The following SLC2A9 variants were observed in gnomAD, a reference collection of about 807,000 sequenced individuals.
SLC2A9 encodes the protein solute carrier family 2, facilitated glucose transporter member 9.
SLC2A9 carries 39 observed loss-of-function variants against 50.6 expected under a neutral mutation model. The ratio of observed to expected loss-of-function variants is 0.77; its 90% CI spans 0.60 to 1.01. The LOEUF is 1.01. SLC2A9 is among the 50% of genes least tolerant of loss of function. SLC2A9 has a pLI of 0.00. For synonymous variants in SLC2A9, 324 were observed against 276.9 expected (o/e 1.17, Z -1.69); for missense variants, 686 against 677.6 (o/e 1.01, Z -0.14).
intron 10 of SLC2A9, among the ~76,000 whole-genome samples, chr4:9,873,290 T>A (rs1411230765): frequency 6.6e-6 from 1 of 152,222 alleles, no homozygotes; most frequent in African/African-American, 2.4e-5. Context: ...TAGTAGGCTC[T>A]CAGTGATTAT....
intron 10 of SLC2A9, among the ~76,000 whole-genome samples, chr4:9,878,246 A>T (rs935174144): frequency 6.6e-6 from 1 of 152,032 alleles, no homozygotes; most frequent in African/African-American, 2.4e-5. Context: ...GAGTAACAAG[A>T]GTGGCTTTTG....
chr4:9,942,240 T>C (rs995221617), intron 5 of SLC2A9, among the ~76,000 whole-genome samples, 195 bp from the exon 6 acceptor site: 2 of 152,152 alleles, frequency 1.3e-5, no homozygotes, highest in African/African-American at 4.8e-5. Flanking sequence ...CATGCATGAG[T>C]CCAGAGACTC....
At chr4:9,876,800 C>G (rs1306728791) in intron 10 of SLC2A9, among the ~76,000 whole-genome samples, 1 of 152,166 alleles carries the variant, frequency 6.6e-6, no homozygotes, top group Non-Finnish European at 1.5e-5. Flanking sequence ...TGTTTCTAGA[C>G]AGGGACTAGC....
chr4:9,936,844 T>C (rs1054647234), intron 6 of SLC2A9, among the ~76,000 whole-genome samples: 7 of 152,164 alleles, frequency 4.6e-5, no homozygotes, highest in Admixed American at 3.9e-4. Context: ...TGATTTGTTG[T>C]ACATGGGTGC....
chr4:10,019,739 T>C (rs1045632311), intron 1 of SLC2A9, among the ~76,000 whole-genome samples: 8 of 152,220 alleles, frequency 5.3e-5, no homozygotes, highest in African/African-American at 1.9e-4. Context: ...GGCGTCAAAC[T>C]ACAGGGGCTG....
At chr4:9,926,096 C>T (rs748310467) in intron 6 of SLC2A9, among the ~76,000 whole-genome samples, 1 of 151,982 alleles carries the variant, frequency 6.6e-6, no homozygotes. Context: ...GAGACCCCTC[C>T]AGGTGTCTGT....
intron 3 of SLC2A9, among the ~76,000 whole-genome samples, chr4:9,987,361 C>G (rs2109168429): frequency 6.6e-6 from 1 of 152,312 alleles, no homozygotes; most frequent in East Asian, 1.9e-4. Flanking sequence ...CTCAGGTGAT[C>G]TGCCTGCCTC....
exon 2 of SLC2A9, chr4:9,771,308 C>A (rs1716786273): frequency 7.7e-6 from 3 of 389,502 alleles, no homozygotes; most frequent in Admixed American, 4.5e-5. Context: ...TTTCCTTCAC[C>A]TGGTGACTCA....
chr4:9,873,973 T>G (rs948661433), intron 10 of SLC2A9, among the ~76,000 whole-genome samples: 5 of 152,208 alleles, frequency 3.3e-5, no homozygotes, highest in Non-Finnish European at 7.3e-5. Flanking sequence ...TAATGCTATG[T>G]CCCAGCTCAA....
At chr4:9,872,677 T>C (rs890910810) in intron 10 of SLC2A9, among the ~76,000 whole-genome samples, 1 of 152,180 alleles carries the variant, frequency 6.6e-6, no homozygotes, top group African/African-American at 2.4e-5. Context: ...CTTCTCTCTG[T>C]TTACTAACCT....
intron 10 of SLC2A9, among the ~76,000 whole-genome samples, chr4:9,874,013 G>A (rs1181841376): frequency 2.6e-5 from 4 of 152,124 alleles, no homozygotes; most frequent in Non-Finnish European, 5.9e-5. Context: ...ACTTCCACAA[G>A]GACAAAGTTT....
chr4:9,906,699 A>G (rs1029145349), intron 8 of SLC2A9, among the ~76,000 whole-genome samples: 1 of 152,222 alleles, frequency 6.6e-6, no homozygotes. Context: ...TTTCTTCACA[A>G]CACCAATAAA....
chr4:10,004,403 G>A (rs1490126040), intron 2 of SLC2A9, among the ~76,000 whole-genome samples: 1 of 152,144 alleles, frequency 6.6e-6, no homozygotes, highest in African/African-American at 2.4e-5. Flanking sequence ...TACTTCTCAA[G>A]CAAGGAGTGT....
At chr4:9,979,333 G>A (rs1755315523) in intron 5 of SLC2A9, among the ~76,000 whole-genome samples, 2 of 152,134 alleles carry the variant, frequency 1.3e-5, no homozygotes, top group African/African-American at 4.8e-5. Context: ...AATTTGTTAT[G>A]TTTGCCCCCT....
chr4:9,981,321 ATAGTGATGGTG>A (rs1755817179), intron 4 of SLC2A9, among the ~76,000 whole-genome samples: 2 of 83,820 alleles, frequency 2.4e-5, no homozygotes, highest in Non-Finnish European at 5.2e-5. Context: ...GATGGTGGTG[ATAGTGATGGTG>A]TGGTGGTGGT....
intron 5 of SLC2A9, among the ~76,000 whole-genome samples, chr4:9,945,234 G>A (rs1220359518): frequency 1.3e-5 from 2 of 152,242 alleles, no homozygotes; most frequent in Non-Finnish European, 1.5e-5. Context: ...CACTCACTGT[G>A]CTGTGGGCAA....
chr4:9,887,618 G>C lies in SLC2A9; in HGVS notation c.1240C>G (p.Leu414Val). 2.6e-6 allele frequency: 4 copies of C among 1,563,040 alleles called. No homozygotes were observed. Among genetic ancestry groups the C allele is most frequent in the East Asian group, 2.4e-5 (1 of 42,172 alleles). Residue 414 changes from leucine to valine, a missense_variant, in exon 10 of 12, where the codon CTG becomes GTG. Coordinates refer to ENST00000264784, the MANE Select transcript of SLC2A9 (RefSeq NM_020041.3). ...LQDHAPWVPY[L>V]SIVGILAIIA... ...ATGGCCAGAATGCCCACGATACTCA[G>C]GTAGGGGACCCAGGGGGCGTGGTCC... is the stretch of plus-strand genomic sequence containing the variant.
intron 3 of SLC2A9, chr4:9,792,684 CAT>C (rs972950757): frequency 2.6e-5 from 4 of 152,238 alleles, no homozygotes; most frequent in African/African-American, 7.2e-5. Context: ...CCACAATACA[CAT>C]GTGCCCAAGA....
intron 7 of SLC2A9, among the ~76,000 whole-genome samples, chr4:9,913,303 TTGTGTGTG>T (rs59023239): frequency 1.4e-5 from 2 of 142,118 alleles, no homozygotes; most frequent in Non-Finnish European, 3.1e-5. Context: ...TCCTGTGTGT[TTGTGTGTG>T]TGTGTGTGTG....
Sources: allele counts gnomAD v4.1 joint callset (sites outside exome capture counted in the v4.1 genomes callset), GRCh38; gene constraint gnomAD v4.1.1; transcripts MANE v1.5; gene names NCBI Gene and HGNC (gene_info 2026-07-23, HGNC 2026-07-21).